The following UBR3 variants were observed in gnomAD, a reference collection of about 807,000 sequenced individuals.
UBR3 encodes E3 ubiquitin-protein ligase UBR3.
In UBR3, 85 loss-of-function variants were observed where a neutral mutation model predicts 243.2. That is an observed-to-expected ratio of 0.35 (90% CI 0.29 to 0.42). The LOEUF (loss-of-function observed/expected upper bound fraction) is 0.42, where lower values mean the gene tolerates loss of function less well. Ranked by LOEUF, UBR3 falls within the 10% of genes least tolerant of loss-of-function variation. The pLI, the probability that UBR3 is intolerant of heterozygous loss-of-function variation, is 1.00. For synonymous variants in UBR3, 748 were observed against 799.8 expected (o/e 0.94, Z 1.09); for missense variants, 1,686 against 2,300.8 (o/e 0.73, Z 5.47).
intron 19 of UBR3, among the ~76,000 whole-genome samples, chr2:169,941,660 T>G (rs2086593744): frequency 1.3e-5 from 2 of 152,230 alleles, no homozygotes; most frequent in Admixed American, 6.5e-5. Flanking sequence ...TGTGTCTAAT[T>G]TATAAATTAA....
intron 1 of UBR3, among the ~76,000 whole-genome samples, chr2:169,857,286 G>C (rs1384335134): frequency 3.3e-5 from 5 of 151,730 alleles, no homozygotes; most frequent in African/African-American, 1.2e-4. Flanking sequence ...CATTGGCCAG[G>C]CTTGTCTCAA....
At chr2:169,991,180 A>G (rs147399961) in intron 25 of UBR3, among the ~76,000 whole-genome samples, 5 of 152,368 alleles carry the variant, frequency 3.3e-5, no homozygotes, top group Non-Finnish European at 5.9e-5. Context: ...TATATGCTCC[A>G]AACAACAGAG....
intron 19 of UBR3, among the ~76,000 whole-genome samples, chr2:169,937,345 G>A: frequency 6.6e-6 from 1 of 152,138 alleles, no homozygotes; most frequent in East Asian, 1.9e-4. Context: ...CCCACTTTTT[G>A]ATGGGGTTGT....
At chr2:170,041,262 T>C (rs1485778992) in intron 32 of UBR3, among the ~76,000 whole-genome samples, 1 of 152,188 alleles carries the variant, frequency 6.6e-6, no homozygotes, top group Non-Finnish European at 1.5e-5. Context: ...TTTTCTATTA[T>C]TAGCAAATAG....
rs2091921307 is a variant in UBR3 at position 170,082,374 on chromosome 2, T to A, written c.*531T>A. Reference sequence around the variant, plus strand: ...AAAAGTTGGTCTAATAGTAGAACTTTAAAATTTTTTCTTATTGTGAGGAAT... The same window carrying A: ...AAAAGTTGGTCTAATAGTAGAACTTAAAAATTTTTTCTTATTGTGAGGAAT... On this transcript the variant is annotated 3_prime_UTR_variant, in exon 39 of 39. Coordinates refer to ENST00000272793, the MANE Select transcript of UBR3 (RefSeq NM_172070.4). The A allele has an allele frequency of 6.6e-6, 1 of 152,654 alleles. No individual in the cohort carries two copies. 9.5% of individuals were successfully genotyped at this position (152,654 alleles called of 1,614,324 possible).
chr2:169,863,477 A>G (rs2083156107), intron 1 of UBR3, among the ~76,000 whole-genome samples: 1 of 152,194 alleles, frequency 6.6e-6, no homozygotes, highest in South Asian at 2.1e-4. Flanking sequence ...TTGCTGTAAC[A>G]TCCTTCCCCA....
intron 19 of UBR3, among the ~76,000 whole-genome samples, chr2:169,939,248 C>T (rs1340178694): frequency 1.3e-5 from 2 of 150,908 alleles, no homozygotes; most frequent in Admixed American, 1.3e-4. Context: ...CTTTTTTCCT[C>T]TATTACTTAT....
rs1311279895 is a variant in UBR3, at chr2:170,079,825, C to T, written c.5211C>T (p.Ile1737=). The T allele has an allele frequency of 1.2e-6, 2 of 1,612,982 alleles. No homozygotes were observed. The highest frequency in any genetic ancestry group is 4.5e-5 in the East Asian group (2 of 44,836). Residue 1737 remains isoleucine (I), a synonymous_variant, in exon 37 of 39, where the codon ATC becomes ATT. Transcript: ENST00000272793. ...GGATAATGTTTTAGGCCTTGCTTATCCAAGAGTCAAAATGGAAATTACCAC... is the reference window on the plus strand; with the variant it reads ...GGATAATGTTTTAGGCCTTGCTTATTCAAGAGTCAAAATGGAAATTACCAC... ...RHAEQGKALL[I]QESKWKLPHL...
chr2:169,833,737 C>T (rs1245593115), intron 1 of UBR3, among the ~76,000 whole-genome samples: 2 of 151,724 alleles, frequency 1.3e-5, no homozygotes, highest in Non-Finnish European at 2.9e-5. Flanking sequence ...TTTAAGGTTA[C>T]TTATGTGTTT....
intron 24 of UBR3, among the ~76,000 whole-genome samples, chr2:169,985,566 C>G (rs1421968612): frequency 6.6e-6 from 1 of 152,004 alleles, no homozygotes; most frequent in Non-Finnish European, 1.5e-5. Flanking sequence ...GTACTTTTTT[C>G]TTTTGAAATC....
chr2:170,031,767 C>T (rs2090678038), intron 31 of UBR3, among the ~76,000 whole-genome samples: 1 of 152,118 alleles, frequency 6.6e-6, no homozygotes. Context: ...TAAGTGAGAA[C>T]GTGCAGTGTT....
At position 169,924,114 on chromosome 2, in the gene UBR3, T is replaced by A. The variant is rs765310855; in HGVS notation, c.1963T>A (p.Ser655Thr). ...GAAATGTCAAGAACTAGATTTGGATTCTGTTTTACCAGATCAGGAAATGTT... is the reference window on the plus strand; with the variant it reads ...GAAATGTCAAGAACTAGATTTGGATACTGTTTTACCAGATCAGGAAATGTT... ...AVKCQELDLD[S>T]VLPDQEMLMK... The change falls in exon 13 of 39, where the codon TCT (serine) becomes ACT (threonine). Residue 655 changes from serine to threonine, a missense_variant. Ser to Thr is a moderately conservative substitution (Grantham distance 58). This residue lies in a region of UBR3 where 346 missense variants were observed against 585.8 expected (regional missense o/e 0.59). Transcript: ENST00000272793. 2 of 1,548,206 alleles carry A rather than the reference T, an allele frequency of 1.3e-6. No homozygotes were observed. Among genetic ancestry groups the A allele is most frequent in the South Asian group, 2.4e-5 (2 of 82,344 alleles).
intron 32 of UBR3, among the ~76,000 whole-genome samples, chr2:170,050,390 A>G (rs1274960710): frequency 6.6e-6 from 1 of 152,212 alleles, no homozygotes; most frequent in Admixed American, 6.5e-5. Flanking sequence ...AAAAATTATC[A>G]TGGTGATAGG....
rs1372115691 is a variant in UBR3, at chr2:170,073,620, A to G, written c.5199+13A>G. ...AGAACAAGGAAAGGTATGTTAAAAG[A>G]GTTGTACTAGCTTGTCACGGTGGTG... is the stretch of plus-strand genomic sequence containing the variant. On this transcript the variant is annotated intron_variant, in intron 36 of 38. Coordinates refer to ENST00000272793, the MANE Select transcript of UBR3 (RefSeq NM_172070.4). 1 of 1,612,224 alleles carries G rather than the reference A, an allele frequency of 6.2e-7. No individual in the cohort carries two copies. The highest frequency in any genetic ancestry group is 2.2e-5 in the East Asian group (1 of 44,832).
intron 24 of UBR3, 90 bp downstream of exon 24, chr2:169,958,616 T>G: frequency 8.7e-7 from 1 of 1,149,544 alleles, no homozygotes; most frequent in Non-Finnish European, 1.2e-6. Context: ...TTTAAAACAT[T>G]ACACACTTTT....
At chr2:169,932,278 A>T (rs577227445) in intron 18 of UBR3, among the ~76,000 whole-genome samples, 16 of 152,172 alleles carry the variant, frequency 1.1e-4, no homozygotes, top group Admixed American at 7.2e-4. Flanking sequence ...GGGTTTCACC[A>T]TGATGGCCAG....
At chr2:169,828,700 T>C (rs1446048824) in intron 1 of UBR3, among the ~76,000 whole-genome samples, 2 of 152,084 alleles carry the variant, frequency 1.3e-5, no homozygotes, top group Admixed American at 6.5e-5. Flanking sequence ...ACATTTAGAA[T>C]TGGGCTACTG....
At chr2:169,833,557 A>C (rs1263650573) in intron 1 of UBR3, among the ~76,000 whole-genome samples, 2 of 152,196 alleles carry the variant, frequency 1.3e-5, no homozygotes, top group African/African-American at 2.4e-5. Flanking sequence ...TTAGTTACTC[A>C]TGAGGTGGCA....
chr2:170,024,861 T>C (rs1423283006), intron 30 of UBR3, among the ~76,000 whole-genome samples: 1 of 152,042 alleles, frequency 6.6e-6, no homozygotes, highest in African/African-American at 2.4e-5. Flanking sequence ...TTGCAGAAAA[T>C]AGAATTTATC....
Sources: gnomAD v4.1 joint callset for allele counts (sites outside exome capture counted in the v4.1 genomes callset) on GRCh38, gnomAD v4.1.1 for gene constraint, gnomAD v4.1.1 regional missense constraint, MANE v1.5 for transcripts, NCBI Gene and HGNC (gene_info 2026-07-23, HGNC 2026-07-21) for gene names.